TET3: variants seen among roughly 807,000 people sequenced by gnomAD.
TET3 encodes methylcytosine dioxygenase TET3.
TET3 carries 19 observed loss-of-function variants against 141.4 expected under a neutral mutation model. That is an observed-to-expected ratio of 0.13 (90% CI 0.09 to 0.20). The LOEUF is 0.20. Ranked by LOEUF, TET3 falls within the 10% of genes least tolerant of loss-of-function variation. The pLI is 1.00. For missense variants in TET3, 1,874 were observed against 2,356.9 expected, an observed-to-expected ratio of 0.80 and a Z score of 4.24; for synonymous variants, 1,043 against 980.9, an observed-to-expected ratio of 1.06 and a Z score of -1.18.
At chr2:74,036,349 G>C (rs1297729500) in intron 3 of TET3, among the ~76,000 whole-genome samples, 1 of 152,158 alleles carries the variant, frequency 6.6e-6, no homozygotes, top group African/African-American at 2.4e-5. Flanking sequence ...GATTACTGAT[G>C]ATACTGAGTA....
Position 73,986,451 on chromosome 2 carries a change from C to T in TET3, c.48C>T (p.Gly16=). Residue 16 remains glycine, a synonymous_variant, in exon 2 of 12, where the codon GGC becomes GGT. Coordinates refer to ENST00000409262, the MANE Select transcript of TET3 (RefSeq NM_001287491.2). ...TGGCCGTCCAGCCGGACCTGCCAGGCCTTTATGACTTCCCTCAGCGCCAGG... is the reference window on the plus strand; with the variant it reads ...TGGCCGTCCAGCCGGACCTGCCAGGTCTTTATGACTTCCCTCAGCGCCAGG... ...VPLAVQPDLP[G]LYDFPQRQVM... The T allele has an allele frequency of 8.1e-7, 1 of 1,232,294 alleles. No individual in the cohort carries two copies. The allele number at this position is 1,232,294 out of a possible 1,614,324, so 76.3% of individuals were successfully genotyped here.
intron 4 of TET3, among the ~76,000 whole-genome samples, chr2:74,062,488 G>C (rs1688649256): frequency 6.6e-6 from 1 of 152,190 alleles, no homozygotes; most frequent in South Asian, 2.1e-4. Context: ...ACATGTAGCA[G>C]AGGGAAATAT....
intron 2 of TET3, among the ~76,000 whole-genome samples, chr2:73,989,322 C>T (rs538317367): frequency 1.3e-5 from 2 of 152,182 alleles, no homozygotes; most frequent in Non-Finnish European, 1.5e-5. Context: ...CATTTACCTG[C>T]ATTCCTGCTG....
chr2:74,090,595 C>A (rs1321315430), intron 8 of TET3, among the ~76,000 whole-genome samples: 2 of 152,212 alleles, frequency 1.3e-5, no homozygotes, highest in African/African-American at 4.8e-5. Context: ...ACAGTATGAC[C>A]GCTAGGCACG....
At chr2:74,045,271 C>T (rs1008251581) in intron 3 of TET3, among the ~76,000 whole-genome samples, 3 of 152,240 alleles carry the variant, frequency 2.0e-5, no homozygotes, top group African/African-American at 7.2e-5. Context: ...CTCTCCACTA[C>T]AGTTACTATT....
At chr2:74,044,397 A>G (rs1430600090) in intron 3 of TET3, among the ~76,000 whole-genome samples, 1 of 152,142 alleles carries the variant, frequency 6.6e-6, no homozygotes, top group Non-Finnish European at 1.5e-5. Context: ...CCATATGCAT[A>G]TGGTTTTTTT....
At chr2:74,037,476 G>A (rs1269302462) in intron 3 of TET3, among the ~76,000 whole-genome samples, 1 of 152,242 alleles carries the variant, frequency 6.6e-6, no homozygotes, top group Admixed American at 6.5e-5. Flanking sequence ...GTGGATCAGA[G>A]TAGCTGAGCT....
chr2:74,099,187 G>A, intron 10 of TET3, 89 bp from the exon 11 acceptor site: 8 of 1,172,080 alleles, frequency 6.8e-6, no homozygotes, highest in South Asian at 1.5e-5. Context: ...GGGGAAAGAT[G>A]AGGTCATGTG....
chr2:74,047,219 T>C lies in TET3; in HGVS notation c.1302T>C (p.Pro434=), dbSNP rs1687678662. 3.1e-6 allele frequency: 5 copies of C among 1,613,912 alleles called. No individual in the cohort carries two copies. In the African/African-American group the frequency reaches 4.0e-5, roughly 13 times the overall value. Residue 434 remains proline (P), a synonymous_variant, in exon 4 of 12, where the codon CCT becomes CCC. Transcript: ENST00000409262. ...FPPATPRTEF[P]EAWGTDTPPA... is the part of the protein sequence containing the mutation. The stretch of plus-strand genomic sequence containing the variant: ...CAGCAACTCCTAGAACTGAGTTCCC[T>C]GAAGCCTGGGGCACTGACACCCCTC...
At position 74,103,913 on chromosome 2, in the gene TET3, A is replaced by G. The variant is rs376673548; in HGVS notation, c.*1737A>G. On this transcript the variant is annotated 3_prime_UTR_variant, in exon 12 of 12. Coordinates refer to ENST00000409262, the MANE Select transcript of TET3 (RefSeq NM_001287491.2). ...CAGTTGTATTCAGATATGGGTCTTC[A>G]TGAATCATGTTTAACAATCAGATGA... is the stretch of plus-strand genomic sequence containing the variant. 3.2e-4 allele frequency: 49 copies of G among 153,846 alleles called. No homozygotes were observed. Among genetic ancestry groups the G allele is most frequent in the Non-Finnish European group, 6.2e-4 (42 of 68,032 alleles). The allele number at this position is 153,846 out of a possible 1,614,324, so 9.5% of individuals were successfully genotyped here.
chr2:74,060,670 G>T (rs533377886), intron 4 of TET3, among the ~76,000 whole-genome samples: 12 of 152,020 alleles, frequency 7.9e-5, no homozygotes, highest in Non-Finnish European at 1.6e-4. Flanking sequence ...AGGACCCTGC[G>T]GCCTTCCGCA....
chr2:74,097,815 T>G (rs981123380), intron 10 of TET3, among the ~76,000 whole-genome samples: 3 of 151,832 alleles, frequency 2.0e-5, no homozygotes, highest in African/African-American at 7.3e-5. Context: ...GGCGAGGGGG[T>G]GTGAGCTCTG....
intron 3 of TET3, among the ~76,000 whole-genome samples, chr2:74,023,286 C>CT: frequency 6.6e-6 from 1 of 152,302 alleles, no homozygotes; most frequent in East Asian, 1.9e-4. Context: ...GTCACGTAGG[C>CT]TGGAGTGCAG....
chr2:74,068,678 G>A (rs1045374853), intron 4 of TET3, among the ~76,000 whole-genome samples: 2 of 152,122 alleles, frequency 1.3e-5, no homozygotes, highest in Admixed American at 6.5e-5. Context: ...TTGTGCATTT[G>A]TCATTTTAAT....
At position 74,099,597 on chromosome 2, in the gene TET3, A is replaced by G. The variant is rs1490800882; in HGVS notation, c.3589A>G (p.Ile1197Val). ...IKQEALELAG[I>V]TSDPGLSLKG... ...GCAGGAGGCCCTGGAGCTGGCGGGC[A>G]TTACGTCGGACCCAGGTGTGTGGGG... Residue 1197 changes from isoleucine to valine, a missense_variant, in exon 11 of 12, where the codon ATT becomes GTT. By Grantham distance (29) the Ile-to-Val change is conservative. Transcript: ENST00000409262. The G allele has an allele frequency of 6.3e-7, 1 of 1,579,990 alleles. No individual in the cohort carries two copies. Among genetic ancestry groups the G allele is most frequent in the East Asian group, 2.3e-5 (1 of 43,198 alleles).
At chr2:74,055,933 G>GTCCTT (rs1458945175) in intron 4 of TET3, among the ~76,000 whole-genome samples, 1 of 152,096 alleles carries the variant, frequency 6.6e-6, no homozygotes, top group Admixed American at 6.5e-5. Flanking sequence ...CAACAGGTGT[G>GTCCTT]GCCCCTTGAC....
At chr2:74,013,306 T>C (rs1204567983) in intron 3 of TET3, among the ~76,000 whole-genome samples, 1 of 151,974 alleles carries the variant, frequency 6.6e-6, no homozygotes, top group Non-Finnish European at 1.5e-5. Flanking sequence ...ATGGGGTATT[T>C]TTTTAACATG....
chr2:74,118,696 T>C, the TET3 span, among the ~76,000 whole-genome samples: 1 of 152,118 alleles, frequency 6.6e-6, no homozygotes, highest in Non-Finnish European at 1.5e-5. Context: ...CACACACACA[T>C]ATATTTACAT....
At chr2:74,065,555 G>GT (rs67114907) in intron 4 of TET3, among the ~76,000 whole-genome samples, 6,665 of 125,518 alleles carry the variant, frequency 0.053, 201 homozygotes, top group Middle Eastern at 0.12. Flanking sequence ...TCTTTTTTTT[G>GT]TTTTTTTTTT....
Sources: gnomAD v4.1 joint callset for allele counts (sites outside exome capture counted in the v4.1 genomes callset) on GRCh38, gnomAD v4.1.1 for gene constraint, MANE v1.5 for transcripts, NCBI Gene and HGNC (gene_info 2026-07-23, HGNC 2026-07-21) for gene names.